RAPGEF2: variants seen among roughly 807,000 people sequenced by gnomAD.
RAPGEF2 encodes the protein PDZ domain containing guanine nucleotide exchange factor (GEF) 1.
A neutral mutation model predicts 186.7 loss-of-function variants in RAPGEF2; 54 were observed. The ratio of observed to expected loss-of-function variants is 0.29; its 90% CI spans 0.23 to 0.36. The LOEUF (loss-of-function observed/expected upper bound fraction) is 0.36. Ranked by LOEUF, RAPGEF2 falls within the 10% of genes least tolerant of loss-of-function variation. The pLI, the probability that RAPGEF2 is intolerant of heterozygous loss-of-function variation, is 1.00. For synonymous variants in RAPGEF2, 712 were observed against 705.9 expected, an observed-to-expected ratio of 1.01 and a Z score of -0.14; for missense variants, 1,532 against 2,045.0, an observed-to-expected ratio of 0.75 and a Z score of 4.84.
At chr4:159,168,265 A>G (rs935236663) in intron 1 of RAPGEF2, among the ~76,000 whole-genome samples, 6 of 152,262 alleles carry the variant, frequency 3.9e-5, no homozygotes, top group Middle Eastern at 6.8e-3. Flanking sequence ...ATGTTTTCAC[A>G]AGCCAAATCT....
At chr4:159,290,640 C>T (rs1445306832) in intron 7 of RAPGEF2, among the ~76,000 whole-genome samples, 1 of 151,878 alleles carries the variant, frequency 6.6e-6, no homozygotes, top group Non-Finnish European at 1.5e-5. Context: ...CTGAGAAAGT[C>T]ATGAAAAGTG....
chr4:159,348,242 A>AGATAGATGGATGGATGGATGGATG (rs544061786), intron 25 of RAPGEF2, among the ~76,000 whole-genome samples: 3 of 144,956 alleles, frequency 2.1e-5, no homozygotes, highest in Admixed American at 6.7e-5. Context: ...ATAGATAGAT[A>AGATAGATGGATGGATGGATGGATG]GATGGATGGA....
intron 1 of RAPGEF2, among the ~76,000 whole-genome samples, chr4:159,124,132 G>A (rs1317114185): frequency 6.6e-6 from 1 of 151,982 alleles, no homozygotes; most frequent in African/African-American, 2.4e-5. Flanking sequence ...TGGGATTACG[G>A]GCGTGAGCCA....
Position 159,314,632 on chromosome 4 carries a change from G to A in RAPGEF2, c.717G>A (p.Leu239=), listed in dbSNP as rs769727449. The change falls in exon 9 of 30, where the codon TTG becomes TTA. Residue 239 remains leucine, a synonymous_variant. Coordinates refer to ENST00000691494, the MANE Select transcript of RAPGEF2 (RefSeq NM_001394067.2). The part of the protein sequence containing the change: ...SEAGDMDLSG[L]PETAVDSEDD... ...CTGGTGATATGGACCTGAGTGGGTT[G>A]CCAGAAACAGCAGTGGATTCCGAAG... The A allele has an allele frequency of 2.5e-6, 4 of 1,613,886 alleles. No homozygotes were observed. The Admixed American group carries it at 6.7e-5, about 27-fold the overall frequency.
chr4:159,347,493 G>C (rs1363639833), intron 25 of RAPGEF2, among the ~76,000 whole-genome samples: 1 of 152,184 alleles, frequency 6.6e-6, no homozygotes, highest in African/African-American at 2.4e-5. Context: ...CCTACTAAAA[G>C]AAAAACATCA....
chr4:159,125,622 G>A (rs1017566813), intron 1 of RAPGEF2, among the ~76,000 whole-genome samples: 1 of 152,098 alleles, frequency 6.6e-6, no homozygotes, highest in Non-Finnish European at 1.5e-5. Context: ...GCCGGGCATG[G>A]TGGCGAGCAC....
intron 7 of RAPGEF2, among the ~76,000 whole-genome samples, chr4:159,255,977 A>G (rs540556556): frequency 1.3e-5 from 2 of 152,344 alleles, no homozygotes; most frequent in South Asian, 2.1e-4. Flanking sequence ...TTTAGTAAGC[A>G]TTTCATAGAT....
intron 4 of RAPGEF2, among the ~76,000 whole-genome samples, chr4:159,217,425 T>G (rs11940425): frequency 0.15 from 23,020 of 152,168 alleles, 3,912 homozygotes; most frequent in African/African-American, 0.42. Flanking sequence ...CATGTGATAC[T>G]TGGTTTTCGG....
intron 1 of RAPGEF2, among the ~76,000 whole-genome samples, chr4:159,155,302 C>T (rs951447019): frequency 2.0e-5 from 3 of 152,136 alleles, no homozygotes; most frequent in Non-Finnish European, 4.4e-5. Flanking sequence ...TTTTAATTTT[C>T]CGTTTTGATT....
intron 6 of RAPGEF2, among the ~76,000 whole-genome samples, chr4:159,243,386 G>C (rs1026887179): frequency 1.5e-4 from 23 of 151,728 alleles, no homozygotes; most frequent in Middle Eastern, 3.4e-3. Context: ...TAGGAAGATT[G>C]CAAAATTTTG....
intron 7 of RAPGEF2, among the ~76,000 whole-genome samples, chr4:159,288,072 G>T (rs1421710574): frequency 6.6e-6 from 1 of 152,160 alleles, no homozygotes; most frequent in Non-Finnish European, 1.5e-5. Context: ...GAACTACTAA[G>T]AATTTAAAAT....
intron 7 of RAPGEF2, among the ~76,000 whole-genome samples, chr4:159,248,745 A>G (rs1187007019): frequency 6.6e-6 from 1 of 152,242 alleles, no homozygotes; most frequent in Non-Finnish European, 1.5e-5. Context: ...ATTGAAATGT[A>G]AATCAAGAAA....
At chr4:159,289,921 T>G (rs776728896) in intron 7 of RAPGEF2, among the ~76,000 whole-genome samples, 3 of 152,004 alleles carry the variant, frequency 2.0e-5, no homozygotes, top group African/African-American at 4.8e-5. Context: ...GTACAGAGGC[T>G]GAGGGGAAGA....
intron 7 of RAPGEF2, among the ~76,000 whole-genome samples, chr4:159,293,879 G>A (rs898768017): frequency 2.6e-5 from 4 of 152,168 alleles, no homozygotes; most frequent in Admixed American, 1.3e-4. Flanking sequence ...AAAGATCATG[G>A]AGGGTCTCAT....
intron 1 of RAPGEF2, among the ~76,000 whole-genome samples, chr4:159,116,019 AG>A (rs1272033786): frequency 2.6e-5 from 4 of 152,246 alleles, no homozygotes; most frequent in Non-Finnish European, 5.9e-5. Context: ...TTCAGGACAT[AG>A]GCACGGGCAA....
chr4:159,314,046 T>C (rs1179414487), intron 8 of RAPGEF2, among the ~76,000 whole-genome samples: 3 of 152,202 alleles, frequency 2.0e-5, no homozygotes, highest in African/African-American at 4.8e-5. Flanking sequence ...TCTCCTATAG[T>C]GTTTCTCGAT....
In RAPGEF2 at chr4:159,295,760, C is replaced by T. The variant is rs377142556; in HGVS notation, c.544-8582C>T. Among the ~76,000 whole-genome samples, 1,146 of 117,332 alleles carry T rather than the reference C, an allele frequency of 9.8e-3. 9 individuals are homozygous for T. The highest frequency in any genetic ancestry group is 0.043 in the African/African-American group (1,064 of 24,640). The allele number at this position is 117,332 out of a possible 152,430, so 77.0% of individuals were successfully genotyped here. On this transcript the variant is annotated intron_variant, in intron 7 of 29. Transcript: ENST00000691494. ...GTGTGTGTGTGTGTGTGTGTGCGCG[C>T]GCGCGCGCGCGCGCATGCACATAAT... is the stretch of plus-strand genomic sequence containing the variant.
At chr4:159,280,067 G>GAAGACC in intron 7 of RAPGEF2, among the ~76,000 whole-genome samples, 1 of 152,184 alleles carries the variant, frequency 6.6e-6, no homozygotes, top group Non-Finnish European at 1.5e-5. Context: ...CATATGGTTC[G>GAAGACC]CCAGAGGTCT....
intron 8 of RAPGEF2, among the ~76,000 whole-genome samples, chr4:159,310,251 A>T (rs72699401): frequency 0.17 from 25,902 of 152,136 alleles, 2,379 homozygotes; most frequent in Admixed American, 0.24. Context: ...CTTACTTAAA[A>T]TAAGCATTTA....
Sources: allele counts gnomAD v4.1 joint callset (sites outside exome capture counted in the v4.1 genomes callset), GRCh38; gene constraint gnomAD v4.1.1; transcripts MANE v1.5; gene names NCBI Gene and HGNC (gene_info 2026-07-23, HGNC 2026-07-21).